CRACD: variants seen among roughly 807,000 people sequenced by gnomAD.
CRACD encodes the protein capping protein-inhibiting regulator of actin dynamics.
In CRACD, 56 loss-of-function variants were observed where a neutral mutation model predicts 106.8. The observed-to-expected ratio is 0.52, with a 90% CI of 0.42 to 0.66. CRACD has a LOEUF of 0.66. Ranked by LOEUF, CRACD falls within the 30% of genes least tolerant of loss-of-function variation. The pLI, the probability that CRACD is intolerant of heterozygous loss-of-function variation, is 0.00. For synonymous variants in CRACD, 754 were observed against 670.8 expected, an observed-to-expected ratio of 1.12 and a Z score of -1.92; for missense variants, 1,730 against 1,623.2, an observed-to-expected ratio of 1.07 and a Z score of -1.13.
chr4:56,236,998 T>C (rs1182067965), intron 2 of CRACD, among the ~76,000 whole-genome samples: 1 of 152,162 alleles, frequency 6.6e-6, no homozygotes, highest in East Asian at 1.9e-4. Context: ...CCATGTATAT[T>C]AACATTTCAA....
chr4:56,305,781 A>G (rs769864250), intron 4 of CRACD, among the ~76,000 whole-genome samples: 1 of 152,090 alleles, frequency 6.6e-6, no homozygotes, highest in Non-Finnish European at 1.5e-5. Flanking sequence ...GCTTATCTCT[A>G]TTATATCTCT....
At chr4:56,288,218 C>T (rs923995919) in intron 3 of CRACD, among the ~76,000 whole-genome samples, 7 of 152,054 alleles carry the variant, frequency 4.6e-5, no homozygotes, top group African/African-American at 1.2e-4. Flanking sequence ...TACCTTCCTC[C>T]TCCTGCTCTT....
chr4:56,315,479 C>T lies in CRACD; in HGVS notation c.1977C>T (p.Pro659=). ...SGKAKPRQES[P]SSASALAEWA... ...AGGCTAAGCCCCGCCAGGAGTCTCC[C>T]AGCAGCGCGTCCGCACTCGCAGAAT... Residue 659 remains proline (P), a synonymous_variant, in exon 8 of 11, where the codon CCC becomes CCT. Coordinates refer to ENST00000682029, the MANE Select transcript of CRACD (RefSeq NM_001393381.1). The surrounding 1 kb of genome is among the most constrained non-coding windows in gnomAD (Gnocchi z 4.1). 6.2e-7 allele frequency: 1 copy of T among 1,613,194 alleles called. No homozygotes were observed. The highest frequency in any genetic ancestry group is 8.5e-7 in the Non-Finnish European group (1 of 1,179,814).
chr4:56,284,292 TAAAAAAA>T (rs59270238), intron 3 of CRACD, among the ~76,000 whole-genome samples: 11 of 45,472 alleles, frequency 2.4e-4, no homozygotes, highest in East Asian at 1.2e-3. Context: ...CATCCTAAAG[TAAAAAAA>T]AAAAAAAAAA....
chr4:56,180,640 TAAC>T (rs1410395112), intron 2 of CRACD, among the ~76,000 whole-genome samples: 2 of 152,296 alleles, frequency 1.3e-5, no homozygotes, highest in African/African-American at 4.8e-5. Flanking sequence ...GGAAATAAAA[TAAC>T]AACTACCTAT....
At chr4:56,270,309 G>C (rs925585654) in intron 2 of CRACD, among the ~76,000 whole-genome samples, 1 of 151,974 alleles carries the variant, frequency 6.6e-6, no homozygotes, top group Non-Finnish European at 1.5e-5. Context: ...TCCCACCTCA[G>C]CCTCCCGAGT....
At chr4:56,308,510 T>A (rs1212336866) in intron 5 of CRACD, among the ~76,000 whole-genome samples, 1 of 152,028 alleles carries the variant, frequency 6.6e-6, no homozygotes, top group Non-Finnish European at 1.5e-5. Context: ...AAACCCATTC[T>A]CTAGGCTCTG....
At chr4:56,081,525 A>G (rs1108947) in intron 1 of CRACD, among the ~76,000 whole-genome samples, 60,401 of 152,028 alleles carry the variant, frequency 0.4, 13,582 homozygotes, top group African/African-American at 0.62. Flanking sequence ...AGTAAAATTA[A>G]TGCTGCACAT....
intron 1 of CRACD, among the ~76,000 whole-genome samples, chr4:56,161,272 A>C (rs997602380): frequency 6.6e-6 from 1 of 152,162 alleles, no homozygotes; most frequent in Non-Finnish European, 1.5e-5. Flanking sequence ...ATGTTTAGGC[A>C]ATGTGTAAAA....
intron 2 of CRACD, among the ~76,000 whole-genome samples, chr4:56,232,751 G>T (rs772363914): frequency 1.7e-4 from 18 of 108,908 alleles, no homozygotes; most frequent in Admixed American, 5.3e-4. Context: ...TTGAGATGGA[G>T]TCTCACTCTG....
chr4:56,293,789 C>A (rs2109707406), intron 3 of CRACD, among the ~76,000 whole-genome samples: 1 of 152,314 alleles, frequency 6.6e-6, no homozygotes, highest in South Asian at 2.1e-4. Context: ...GAAATCCATC[C>A]CCATGATCCA....
intron 1 of CRACD, among the ~76,000 whole-genome samples, 152 bp downstream of exon 1, chr4:56,049,451 G>C (rs1022961645): frequency 9.9e-4 from 151 of 152,114 alleles, no homozygotes; most frequent in African/African-American, 3.3e-3. Flanking sequence ...CGCGGCGGGC[G>C]GTGGGCTTCG....
intron 2 of CRACD, among the ~76,000 whole-genome samples, chr4:56,239,306 T>C (rs569900780): frequency 6.6e-6 from 1 of 151,628 alleles, no homozygotes; most frequent in South Asian, 2.1e-4. Flanking sequence ...TAAATATTAT[T>C]ATTTAATAAT....
chr4:56,239,443 A>G (rs1740228043), intron 2 of CRACD, among the ~76,000 whole-genome samples: 1 of 152,074 alleles, frequency 6.6e-6, no homozygotes, highest in African/African-American at 2.4e-5. Context: ...GGGTGTCATC[A>G]TGCCCCATTC....
intron 2 of CRACD, among the ~76,000 whole-genome samples, chr4:56,245,815 A>G: frequency 6.6e-6 from 1 of 152,174 alleles, no homozygotes; most frequent in East Asian, 1.9e-4. Flanking sequence ...GAAAAATCGA[A>G]CTTCCAATGT....
At chr4:56,235,987 C>T (rs1292711364) in intron 2 of CRACD, among the ~76,000 whole-genome samples, 1 of 152,122 alleles carries the variant, frequency 6.6e-6, no homozygotes, top group Non-Finnish European at 1.5e-5. Flanking sequence ...GAGTTATCTG[C>T]GCTGGGTAGC....
intron 1 of CRACD, among the ~76,000 whole-genome samples, chr4:56,108,121 G>C (rs1734006223): frequency 6.6e-6 from 1 of 152,096 alleles, no homozygotes; most frequent in South Asian, 2.1e-4. Flanking sequence ...AGTTACTTTT[G>C]GTCAGAGTGG....
At chr4:56,305,645 A>G (rs1160619868) in intron 4 of CRACD, among the ~76,000 whole-genome samples, 2 of 152,126 alleles carry the variant, frequency 1.3e-5, no homozygotes, top group Non-Finnish European at 2.9e-5. Flanking sequence ...CCCTTGCTGA[A>G]CTTGGCTTTT....
intron 1 of CRACD, among the ~76,000 whole-genome samples, chr4:56,110,706 T>C (rs1171819406): frequency 6.6e-6 from 1 of 152,214 alleles, no homozygotes; most frequent in Non-Finnish European, 1.5e-5. Flanking sequence ...AAATGATTCT[T>C]GTGCCTCAGC....
Sources: allele counts gnomAD v4.1 joint callset (sites outside exome capture counted in the v4.1 genomes callset), GRCh38; gene constraint gnomAD v4.1.1; non-coding constraint Gnocchi (gnomAD v3.1); transcripts MANE v1.5; gene names NCBI Gene and HGNC (gene_info 2026-07-23, HGNC 2026-07-21).